The following QRICH1 variants were observed in gnomAD, a reference collection of about 807,000 sequenced individuals.
The protein encoded by QRICH1 is glutamine rich 1.
A neutral mutation model predicts 87.1 loss-of-function variants in QRICH1; 16 were observed. That is an observed-to-expected ratio of 0.18 (90% CI 0.12 to 0.28). QRICH1 has a LOEUF of 0.28. Among genes scored for constraint, QRICH1 ranks in the 10% least tolerant of loss-of-function variants. The pLI, the probability that QRICH1 is intolerant of heterozygous loss-of-function variation, is 1.00. For missense variants in QRICH1, 647 were observed against 951.7 expected (o/e 0.68, Z 4.21); for synonymous variants, 367 against 368.4 (o/e 1.00, Z 0.05).
chr3:49,058,213 A>G (rs1222331177), intron 2 of QRICH1, among the ~76,000 whole-genome samples: 1 of 150,090 alleles, frequency 6.7e-6, no homozygotes, highest in East Asian at 2.0e-4. Context: ...GCAGTGGCGC[A>G]ATCTCAGCTC....
At chr3:49,035,165 G>A (rs1363666188) in intron 6 of QRICH1, among the ~76,000 whole-genome samples, 1 of 152,136 alleles carries the variant, frequency 6.6e-6, no homozygotes, top group African/African-American at 2.4e-5. Context: ...AGCAAAGAAG[G>A]ATTCAAGGAA....
In QRICH1 at chr3:49,076,704, T is replaced by C. The variant is rs2106982150; in HGVS notation, c.309+5A>G. ...ACAGGCTGCACCTCAGCATTTCCCA[T>C]ATACCTGAACCTGCTGCGGCTGCTG... On this transcript the variant is annotated splice_donor_5th_base_variant and intron_variant, in intron 2 of 9. Transcript: ENST00000395443. 1.9e-6 allele frequency: 3 copies of C among 1,546,426 alleles called. No individual in the cohort carries two copies. Among genetic ancestry groups the C allele is most frequent in the Non-Finnish European group, 2.6e-6 (3 of 1,142,544 alleles).
intron 6 of QRICH1, among the ~76,000 whole-genome samples, chr3:49,040,331 G>T (rs1024423786): frequency 6.6e-6 from 1 of 152,158 alleles, no homozygotes; most frequent in African/African-American, 2.4e-5. Context: ...TAAATTGCTA[G>T]GCGCAGCAGC....
chr3:49,051,233 T>C (rs1286129866), intron 3 of QRICH1, among the ~76,000 whole-genome samples: 1 of 152,186 alleles, frequency 6.6e-6, no homozygotes, highest in Non-Finnish European at 1.5e-5. Context: ...CCCAGTCACA[T>C]ACACCTGAAA....
chr3:49,053,206 C>T (rs761377167), intron 3 of QRICH1, among the ~76,000 whole-genome samples: 6 of 151,942 alleles, frequency 3.9e-5, no homozygotes, highest in Non-Finnish European at 7.4e-5. Context: ...AAGAAAGTCT[C>T]GGCCAGGCGC....
intron 2 of QRICH1, among the ~76,000 whole-genome samples, chr3:49,060,541 G>A (rs2093428764): frequency 6.6e-6 from 1 of 151,518 alleles, no homozygotes; most frequent in African/African-American, 2.4e-5. Flanking sequence ...TGTTGGCCAG[G>A]CTGGTCCAAA....
chr3:49,091,077 G>A (rs1408110971), intron 1 of QRICH1, among the ~76,000 whole-genome samples: 4 of 152,048 alleles, frequency 2.6e-5, no homozygotes, highest in African/African-American at 9.7e-5. Context: ...CAAAAAATGA[G>A]ACAGGCATGG....
chr3:49,091,100 G>A (rs2042267440), intron 1 of QRICH1, among the ~76,000 whole-genome samples: 2 of 152,170 alleles, frequency 1.3e-5, no homozygotes, highest in African/African-American at 4.8e-5. Flanking sequence ...GCGGGAGCCT[G>A]CAGTCCCAGC....
intron 1 of QRICH1, among the ~76,000 whole-genome samples, chr3:49,081,811 A>G (rs1029589196): frequency 1.5e-5 from 2 of 134,670 alleles, no homozygotes; most frequent in Admixed American, 7.5e-5. Flanking sequence ...GAAGCCTTCT[A>G]TTTTTTTTTT....
intron 3 of QRICH1, among the ~76,000 whole-genome samples, chr3:49,054,022 A>G (rs1055598043): frequency 1.3e-5 from 2 of 152,204 alleles, no homozygotes; most frequent in South Asian, 2.1e-4. Flanking sequence ...TTCCCTTGGC[A>G]TCTTTCCCTT....
In QRICH1 at chr3:49,032,716, C is replaced by T. The variant is rs1484328115; in HGVS notation, c.1953G>A (p.Leu651=). ...TAGAGGGGTTCTTCTTTGTCTGTCG[C>T]AAGACCTTGGAGAAGGCCAGCTTCA... ...QHMKLAFSKV[L]RQTKKNPSNP... is the part of the protein sequence containing the mutation. The change falls in exon 8 of 10, where the codon TTG becomes TTA. Residue 651 remains leucine, a synonymous_variant. Transcript: ENST00000395443. 8.1e-6 allele frequency: 13 copies of T among 1,611,738 alleles called. No homozygotes were observed. Among genetic ancestry groups the T allele is most frequent in the Non-Finnish European group, 1.1e-5 (13 of 1,179,310 alleles).
chr3:49,087,509 C>A, intron 1 of QRICH1, among the ~76,000 whole-genome samples: 1 of 151,478 alleles, frequency 6.6e-6, no homozygotes, highest in East Asian at 1.9e-4. Flanking sequence ...CGCACCACTG[C>A]ACTCCAGCCT....
chr3:49,079,012 C>T (rs1285077599), intron 1 of QRICH1, among the ~76,000 whole-genome samples: 6 of 151,908 alleles, frequency 3.9e-5, no homozygotes, highest in South Asian at 2.1e-4. Context: ...CATAGCTCCA[C>T]GGACTCAAGC....
chr3:49,040,581 G>A (rs892761171), intron 6 of QRICH1, among the ~76,000 whole-genome samples: 10 of 152,190 alleles, frequency 6.6e-5, no homozygotes, highest in African/African-American at 1.9e-4. Context: ...AGACTGCTGG[G>A]CACATAGTAG....
intron 2 of QRICH1, among the ~76,000 whole-genome samples, chr3:49,064,661 C>T (rs1258589415): frequency 2.0e-5 from 3 of 151,880 alleles, no homozygotes; most frequent in Admixed American, 1.3e-4. Context: ...GTCAGGAGAT[C>T]GAGACCATCC....
intron 2 of QRICH1, among the ~76,000 whole-genome samples, chr3:49,072,771 G>A (rs1337224494): frequency 6.6e-6 from 1 of 152,124 alleles, no homozygotes; most frequent in African/African-American, 2.4e-5. Flanking sequence ...GCTGGGAACA[G>A]TGGCTCATGC....
In QRICH1 at chr3:49,057,961, A is replaced by G. The variant is rs1384437485; in HGVS notation, c.310-71T>C. 4 of 1,611,084 alleles carry G rather than the reference A, an allele frequency of 2.5e-6. No individual in the cohort carries two copies. Among genetic ancestry groups the G allele is most frequent in the Non-Finnish European group, 2.5e-6 (3 of 1,179,546 alleles). ...AAATCCAGTACCCAAGGAAAGAAAGAAAAGAGATCCCAGACAGGGGACCTG... is the reference window on the plus strand; with the variant it reads ...AAATCCAGTACCCAAGGAAAGAAAGGAAAGAGATCCCAGACAGGGGACCTG... On this transcript the variant is annotated intron_variant, in intron 2 of 9. Coordinates refer to ENST00000395443, the MANE Select transcript of QRICH1 (RefSeq NM_198880.3). This position sits in a 1 kb window ranked among gnomAD's most constrained non-coding sequence, Gnocchi z 5.4.
chr3:49,045,326 C>CAAAAAAAAA (rs150401256), intron 5 of QRICH1, among the ~76,000 whole-genome samples: 9 of 101,830 alleles, frequency 8.8e-5, no homozygotes, highest in African/African-American at 2.8e-4. Flanking sequence ...TTGTGAATTA[C>CAAAAAAAAA]AAAAAAAAAA....
intron 9 of QRICH1, among the ~76,000 whole-genome samples, chr3:49,031,801 A>G (rs1450807449): frequency 6.6e-6 from 1 of 152,230 alleles, no homozygotes; most frequent in African/African-American, 2.4e-5. Flanking sequence ...CTATGTAATG[A>G]GAAACCATTG....
Sources: allele counts gnomAD v4.1 joint callset (sites outside exome capture counted in the v4.1 genomes callset), GRCh38; gene constraint gnomAD v4.1.1; non-coding constraint Gnocchi (gnomAD v3.1); transcripts MANE v1.5; gene names NCBI Gene and HGNC (gene_info 2026-07-23, HGNC 2026-07-21).